Variants in IFT80 observed in about 807,000 individuals in gnomAD.
The protein encoded by IFT80 is intraflagellar transport 80, also known as intraflagellar transport protein 80 homolog.
A neutral mutation model predicts 107.9 loss-of-function variants in IFT80; 79 were observed. The ratio of observed to expected loss-of-function variants is 0.73; its 90% CI spans 0.61 to 0.88. The LOEUF (loss-of-function observed/expected upper bound fraction) is 0.88. IFT80 is among the 40% of genes least tolerant of loss of function. The probability of loss-of-function intolerance (pLI) is 0.00; values close to 1 mark genes in which losing one functional copy is unlikely to be tolerated. For missense variants in IFT80, 797 were observed against 914.2 expected, an observed-to-expected ratio of 0.87 and a Z score of 1.65; for synonymous variants, 299 against 300.9, an observed-to-expected ratio of 0.99 and a Z score of 0.07.
chr3:160,289,581 C>T (rs993809607), intron 12 of IFT80, among the ~76,000 whole-genome samples: 1 of 152,148 alleles, frequency 6.6e-6, no homozygotes, highest in African/African-American at 2.4e-5. Context: ...AGTCTGAAAT[C>T]AAAACACAGA....
intron 1 of IFT80, among the ~76,000 whole-genome samples, chr3:160,385,711 G>C (rs113139823): frequency 7.1e-4 from 108 of 152,268 alleles, no homozygotes; most frequent in Non-Finnish European, 1.1e-3. Context: ...AGAATACAAC[G>C]TCTCCCAGGC....
chr3:160,336,964 T>C (rs1312083693), intron 8 of IFT80, among the ~76,000 whole-genome samples: 3 of 152,196 alleles, frequency 2.0e-5, no homozygotes, highest in African/African-American at 7.2e-5. Flanking sequence ...AAAGACAGCC[T>C]TTTTCCCCTC....
At chr3:160,355,027 A>G (rs1720969830) in intron 8 of IFT80, among the ~76,000 whole-genome samples, 1 of 152,232 alleles carries the variant, frequency 6.6e-6, no homozygotes, top group Non-Finnish European at 1.5e-5. Flanking sequence ...TAGGAATAGT[A>G]TAAAACAGCC....
chr3:160,322,995 A>G (rs1275298732), intron 8 of IFT80, among the ~76,000 whole-genome samples: 1 of 151,678 alleles, frequency 6.6e-6, no homozygotes, highest in African/African-American at 2.4e-5. Context: ...TTGCCTGTTC[A>G]CTCTAATGGT....
At chr3:160,366,916 C>T (rs1721910448) in intron 5 of IFT80, among the ~76,000 whole-genome samples, 1 of 151,990 alleles carries the variant, frequency 6.6e-6, no homozygotes, top group Non-Finnish European at 1.5e-5. Context: ...CCACCTCCCT[C>T]ACAACCCCCT....
At chr3:160,314,256 C>A (rs941467225) in intron 9 of IFT80, among the ~76,000 whole-genome samples, 2 of 152,024 alleles carry the variant, frequency 1.3e-5, no homozygotes, top group Non-Finnish European at 2.9e-5. Flanking sequence ...CAAATTTATA[C>A]CCCATCCTAA....
At chr3:160,369,934 A>C (rs897569510) in intron 5 of IFT80, among the ~76,000 whole-genome samples, 8 of 152,008 alleles carry the variant, frequency 5.3e-5, no homozygotes, top group Non-Finnish European at 1.2e-4. Context: ...CCTTTTTGAC[A>C]TTTTTTAAGA....
intron 1 of IFT80, among the ~76,000 whole-genome samples, chr3:160,397,716 C>CTTTT (rs545413654): frequency 0.013 from 1,219 of 96,548 alleles, 78 homozygotes; most frequent in African/African-American, 0.039. Context: ...TTGGTCTATA[C>CTTTT]TTTTTTTTTT....
intron 8 of IFT80, among the ~76,000 whole-genome samples, chr3:160,321,884 T>C (rs910872429): frequency 1.3e-5 from 2 of 151,832 alleles, no homozygotes; most frequent in Middle Eastern, 3.4e-3. Context: ...TTCAAGGACA[T>C]TGATGGAGAA....
rs1716377272 is a variant in IFT80 at position 160,300,926 on chromosome 3, C to G, written c.1272G>C (p.Leu424Phe). 1.5e-5 allele frequency: 24 copies of G among 1,610,574 alleles called. No homozygotes were observed. Among genetic ancestry groups the G allele is most frequent in the Non-Finnish European group, 2.0e-5 (24 of 1,178,336 alleles). Residue 424 changes from leucine (L) to phenylalanine (F), a missense_variant, in exon 12 of 20, where the codon TTG becomes TTC. Transcript: ENST00000326448. ...CTCTTATTGCTATGGTATCATTACT[C>G]AAAGACACAGTCTGTGCATTCAGAA... The part of the protein sequence containing the change: ...TDILNAQTVS[L>F]SNDTIAIRDK...
intron 8 of IFT80, among the ~76,000 whole-genome samples, chr3:160,353,054 C>T (rs1309275760): frequency 6.6e-6 from 1 of 152,084 alleles, no homozygotes; most frequent in African/African-American, 2.4e-5. Flanking sequence ...TCACCATTGC[C>T]CATAAGATAA....
At chr3:160,360,202 G>A (rs1273890114) in intron 6 of IFT80, among the ~76,000 whole-genome samples, 1 of 152,192 alleles carries the variant, frequency 6.6e-6, no homozygotes, top group African/African-American at 2.4e-5. Context: ...AGAACTACTT[G>A]ACACATGCAC....
At chr3:160,364,116 G>T (rs867372372) in intron 6 of IFT80, among the ~76,000 whole-genome samples, 2 of 152,006 alleles carry the variant, frequency 1.3e-5, no homozygotes, top group Non-Finnish European at 2.9e-5. Flanking sequence ...ATCTGACAAA[G>T]GGCTAATATC....
rs568836988 is a variant in IFT80, at chr3:160,300,195, T to C, written c.1315+688A>G. Among the ~76,000 whole-genome samples, 7 of 152,202 alleles carry C rather than the reference T, an allele frequency of 4.6e-5. No individual in the cohort carries two copies. The East Asian group carries it at 1.3e-3, about 29-fold the overall frequency. ...TCATTACCTGACAATTTATTATATA[T>C]TTATTAAATTTTAATTTTTATTTGC... is the stretch of plus-strand genomic sequence containing the variant. On this transcript the variant is annotated intron_variant, in intron 12 of 19. Coordinates refer to ENST00000326448, the MANE Select transcript of IFT80 (RefSeq NM_020800.3).
intron 18 of IFT80, among the ~76,000 whole-genome samples, chr3:160,271,896 C>A (rs1576731018): frequency 6.6e-6 from 1 of 151,590 alleles, no homozygotes; most frequent in Admixed American, 6.6e-5. Flanking sequence ...ACCACTACAG[C>A]CAGTCATTAC....
chr3:160,343,469 C>T (rs1422902418), intron 8 of IFT80, among the ~76,000 whole-genome samples: 3 of 151,916 alleles, frequency 2.0e-5, no homozygotes, highest in East Asian at 3.9e-4. Flanking sequence ...ATATATTGTA[C>T]AATTTATTTA....
chr3:160,377,419 A>C lies in IFT80; in HGVS notation c.370+11T>G. ...TATTCATTTCAAATGTCATTTTTACAGACAACTTACCTGTAACTAATGCTG... is the reference window on the plus strand; with the variant it reads ...TATTCATTTCAAATGTCATTTTTACCGACAACTTACCTGTAACTAATGCTG... On this transcript the variant is annotated intron_variant, in intron 4 of 19. Transcript: ENST00000326448. 6.9e-7 allele frequency: 1 copy of C among 1,452,950 alleles called. No homozygotes were observed. Among genetic ancestry groups the C allele is most frequent in the Non-Finnish European group, 9.7e-7 (1 of 1,033,756 alleles). The allele number at this position is 1,452,950 out of a possible 1,614,324, so 90.0% of individuals were successfully genotyped here. A position where few individuals can be genotyped will look rare whatever the true frequency, so the allele number is the denominator to read the frequency against.
chr3:160,383,922 A>C, intron 2 of IFT80: 2 of 985,434 alleles, frequency 2.0e-6, no homozygotes, highest in Non-Finnish European at 2.4e-6. Context: ...GCTAGATCAC[A>C]CTAGCAAAGA....
In IFT80 at chr3:160,366,205, C is replaced by T. The variant is rs552598156; in HGVS notation, c.440-53G>A. The T allele has an allele frequency of 6.4e-4, 823 of 1,276,836 alleles. No homozygotes were observed. Among genetic ancestry groups the T allele is most frequent in the Non-Finnish European group, 8.5e-4 (746 of 881,584 alleles). 79.1% of individuals were successfully genotyped at this position (1,276,836 alleles called of 1,614,324 possible). On this transcript the variant is annotated intron_variant, in intron 5 of 19. Transcript: ENST00000326448. ...GGCTGATAAACTTTAATTATTATGC[C>T]TTATAAAAAGAGAGATTGTTAAGAG...
Sources: gnomAD v4.1 joint callset for allele counts (sites outside exome capture counted in the v4.1 genomes callset) on GRCh38, gnomAD v4.1.1 for gene constraint, MANE v1.5 for transcripts, NCBI Gene and HGNC (gene_info 2026-07-23, HGNC 2026-07-21) for gene names.